Variants in LRP4 observed in about 807,000 individuals in gnomAD.
LRP4 encodes the protein low-density lipoprotein receptor-related protein 4.
In LRP4, 95 loss-of-function variants were observed where a neutral mutation model predicts 220.3. The observed-to-expected ratio is 0.43, with a 90% CI of 0.37 to 0.51. The LOEUF (loss-of-function observed/expected upper bound fraction) is 0.51. Among genes scored for constraint, LRP4 ranks in the 20% least tolerant of loss-of-function variants. The pLI is 0.00. For missense variants in LRP4, 1,925 were observed against 2,567.0 expected, an observed-to-expected ratio of 0.75 and a Z score of 5.40; for synonymous variants, 903 against 954.6, an observed-to-expected ratio of 0.95 and a Z score of 1.00.
At chr11:46,879,877 G>A (rs1191173770) in intron 20 of LRP4, among the ~76,000 whole-genome samples, 1 of 152,182 alleles carries the variant, frequency 6.6e-6, no homozygotes, top group African/African-American at 2.4e-5. Context: ...GGTCCAGGTG[G>A]GCAGATCACC....
chr11:46,868,730 T>C lies in LRP4; in HGVS notation c.4838-17A>G, dbSNP rs372005914. The stretch of plus-strand genomic sequence containing the variant: ...CATTGGTCCCTGGAGGCAAAGTAGA[T>C]GAATGTCTTATCTGGGACAGAATCA... On this transcript the variant is annotated splice_polypyrimidine_tract_variant and intron_variant, in intron 32 of 37. Transcript: ENST00000378623. 14 of 1,550,734 alleles carry C rather than the reference T, an allele frequency of 9.0e-6. No individual in the cohort carries two copies. The highest frequency in any genetic ancestry group is 6.8e-5 in the African/African-American group (5 of 73,810).
Position 46,899,848 on chromosome 11 carries a change from G to GT in LRP4, c.430+14dup. 2 of 1,610,784 alleles carry GT rather than the reference G, an allele frequency of 1.2e-6. No homozygotes were observed. Among genetic ancestry groups the GT allele is most frequent in the East Asian group, 4.5e-5 (2 of 44,886 alleles). On this transcript the variant is annotated intron_variant, in intron 4 of 37. Coordinates refer to ENST00000378623, the MANE Select transcript of LRP4 (RefSeq NM_002334.4). This position sits in a 1 kb window ranked among gnomAD's most constrained non-coding sequence, Gnocchi z 5.9. ...CTGGCCACCTTGCCTGCCTTCCCCC[G>GT]TTGGGGTCACCCACCACACTGCTCA... is the stretch of plus-strand genomic sequence containing the variant.
chr11:46,872,975 T>G (rs950852976), intron 30 of LRP4, 125 bp downstream of exon 30: 25 of 1,325,142 alleles, frequency 1.9e-5, no homozygotes, highest in Non-Finnish European at 2.6e-5. Context: ...CTTATCCTTC[T>G]CAATGATTCC....
In LRP4 at chr11:46,873,158, G is replaced by A. The variant is rs1940914910; in HGVS notation, c.4525C>T (p.Leu1509Phe). The A allele has an allele frequency of 1.2e-6, 2 of 1,614,008 alleles. No individual in the cohort carries two copies. The highest frequency in any genetic ancestry group is 2.2e-5 in the East Asian group (1 of 44,888). The part of the protein sequence containing the change: ...ANLDGSERKV[L>F]INTDLGWPNG... ...GGCCAACCCAGGTCTGTGTTGATGAGGACCTTCCGCTCAGAACCATCCAAG... is the reference window on the plus strand; with the variant it reads ...GGCCAACCCAGGTCTGTGTTGATGAAGACCTTCCGCTCAGAACCATCCAAG... Residue 1509 changes from leucine (L) to phenylalanine (F), a missense_variant, in exon 30 of 38, where the codon CTC becomes TTC. By Grantham distance (22) the Leu-to-Phe change is conservative (BLOSUM62 0). This residue lies in a region of LRP4 where 1,244 missense variants were observed against 1,624.9 expected (regional missense o/e 0.77). Coordinates refer to ENST00000378623, the MANE Select transcript of LRP4 (RefSeq NM_002334.4). The surrounding 1 kb of genome is among the most constrained non-coding windows in gnomAD (Gnocchi z 4.2).
At chr11:46,885,835 G>A (rs1422598514) in intron 18 of LRP4, among the ~76,000 whole-genome samples, 1 of 151,528 alleles carries the variant, frequency 6.6e-6, no homozygotes, top group Non-Finnish European at 1.5e-5. Flanking sequence ...CAAGGCATAG[G>A]TTCATGATCT....
chr11:46,859,222 T>A lies in LRP4; in HGVS notation c.5479A>T (p.Lys1827Ter). 1 of 1,614,064 alleles carries A rather than the reference T, an allele frequency of 6.2e-7. No homozygotes were observed. Among genetic ancestry groups the A allele is most frequent in the Middle Eastern group, 1.6e-4 (1 of 6,062 alleles). ...SGDDAEWDDL[K>*]QLRSSRGGLL... ...CCCCCCCGTGAGCTTCGCAGTTGCT[T>A]GAGGTCATCCCACTCAGCATCATCC... Residue 1827 changes from lysine (K) to a stop codon, truncating the protein, a stop_gained, in exon 38 of 38, where the codon AAG (lysine) becomes TAG (stop). Coordinates refer to ENST00000378623, the MANE Select transcript of LRP4 (RefSeq NM_002334.4). LOFTEE classifies it high-confidence loss of function.
intron 15 of LRP4, 118 bp downstream of exon 15, chr11:46,889,826 T>C (rs2134837608): frequency 8.4e-7 from 1 of 1,190,626 alleles, no homozygotes; most frequent in Non-Finnish European, 1.2e-6. Context: ...GTCAGTGCCC[T>C]GCTGGATTTC....
At chr11:46,887,741 G>A (rs1941329187) in intron 16 of LRP4, among the ~76,000 whole-genome samples, 1 of 152,006 alleles carries the variant, frequency 6.6e-6, no homozygotes, top group African/African-American at 2.4e-5. Flanking sequence ...CAAAGCAGAA[G>A]AATCGCTTGA....
At chr11:46,874,218 C>A (rs1287352118) in intron 28 of LRP4, 1 of 162,256 alleles carries the variant, frequency 6.2e-6, no homozygotes, top group Non-Finnish European at 1.4e-5. Flanking sequence ...GCCTACCTGT[C>A]CCCAGTTTGA....
intron 13 of LRP4, among the ~76,000 whole-genome samples, chr11:46,891,665 G>T (rs774874773): frequency 6.6e-6 from 1 of 151,952 alleles, no homozygotes; most frequent in Non-Finnish European, 1.5e-5. Flanking sequence ...TGTCATCCAG[G>T]AGTGCAGTGC....
In LRP4 at chr11:46,918,458, C is replaced by G. The variant is rs992525391; in HGVS notation, c.-79G>C. 43 of 1,128,316 alleles carry G rather than the reference C, an allele frequency of 3.8e-5. No individual in the cohort carries two copies. Among genetic ancestry groups the G allele is most frequent in the Non-Finnish European group, 4.7e-5 (42 of 893,948 alleles). 69.9% of individuals were successfully genotyped at this position (1,128,316 alleles called of 1,614,324 possible). A position where few individuals can be genotyped will look rare whatever the true frequency, so the allele number is the denominator to read the frequency against. ...GGCGGAGAAGCCCGCGGAGGGTCCC[C>G]GAGGGGGAAGCGTCCCGGGTGCACG... On this transcript the variant is annotated 5_prime_UTR_variant, in exon 1 of 38. Coordinates refer to ENST00000378623, the MANE Select transcript of LRP4 (RefSeq NM_002334.4). This position sits in a 1 kb window ranked among gnomAD's most constrained non-coding sequence, Gnocchi z 6.0.
chr11:46,869,021 C>G lies in LRP4; in HGVS notation c.4804G>C (p.Asp1602His). 6.2e-7 allele frequency: 1 copy of G among 1,614,206 alleles called. No individual in the cohort carries two copies. ...CGCTGAGGGGAAACCACGATGATAT[C>G]CATGAGTCCTTCCACATTTGCCAGC... The part of the protein sequence containing the change: ...TVLANVEGLM[D>H]IIVVSPQRQT... The change falls in exon 32 of 38, where the codon GAT becomes CAT. Residue 1602 changes from aspartate (D) to histidine (H), a missense_variant. Physicochemically the swap from Asp to His is moderately conservative, Grantham distance 81 (BLOSUM62 -1). Coordinates refer to ENST00000378623, the MANE Select transcript of LRP4 (RefSeq NM_002334.4).
At chr11:46,884,198 A>G (rs1468751516) in intron 18 of LRP4, among the ~76,000 whole-genome samples, 1 of 152,244 alleles carries the variant, frequency 6.6e-6, no homozygotes, top group African/African-American at 2.4e-5. Flanking sequence ...CTTCCCAAAC[A>G]TAGGCAACCA....
intron 33 of LRP4, 136 bp downstream of exon 33, chr11:46,868,464 C>T: frequency 1.3e-6 from 1 of 745,736 alleles, no homozygotes; most frequent in Non-Finnish European, 2.4e-6. Context: ...CAGACTGCTA[C>T]CAATCACTCC....
In LRP4 at chr11:46,896,205, C is replaced by CT; in HGVS notation, c.1048+4dup. The CT allele has an allele frequency of 3.1e-6, 5 of 1,613,780 alleles. No individual in the cohort carries two copies. The highest frequency in any genetic ancestry group is 4.2e-6 in the Non-Finnish European group (5 of 1,180,000). On this transcript the variant is annotated splice_donor_region_variant and intron_variant, in intron 9 of 37. Transcript: ENST00000378623. The stretch of plus-strand genomic sequence containing the variant: ...GGGCCAGGTCCGCCCACTGGGGACA[C>CT]TCACGGCAATTCTGCTGTGGGCTTT...
intron 1 of LRP4, among the ~76,000 whole-genome samples, chr11:46,916,475 C>A (rs1941947817): frequency 6.6e-6 from 1 of 152,178 alleles, no homozygotes; most frequent in African/African-American, 2.4e-5. Flanking sequence ...AAAAGCGTTA[C>A]CGCGAATCCT....
At chr11:46,862,816 A>C in intron 36 of LRP4, 69 bp from the exon 37 acceptor site, 1 of 1,443,276 alleles carries the variant, frequency 6.9e-7, no homozygotes. Flanking sequence ...AAAGCTGTAA[A>C]CTGAGTCTGG....
At chr11:46,860,847 G>C (rs969352759) in intron 37 of LRP4, 2 of 380,794 alleles carry the variant, frequency 5.3e-6, no homozygotes, top group Non-Finnish European at 3.6e-6. Context: ...AGACACGCTG[G>C]GTAAGTTAGG....
Position 46,899,294 on chromosome 11 carries a change from TTG to T in LRP4, c.547+91_547+92del. ...GCTGAGGCACCCATGCTCCTTGCCC[TTG>T]GTACATGCACTCCTCAGCCTCGCCC... On this transcript the variant is annotated intron_variant, in intron 5 of 37. Transcript: ENST00000378623. The surrounding 1 kb of genome is among the most constrained non-coding windows in gnomAD (Gnocchi z 5.9). The T allele has an allele frequency of 9.2e-7, 1 of 1,089,568 alleles. No homozygotes were observed. The highest frequency in any genetic ancestry group is 1.4e-6 in the Non-Finnish European group (1 of 706,510). The allele number at this position is 1,089,568 out of a possible 1,614,324, so 67.5% of individuals were successfully genotyped here.
Sources: gnomAD v4.1 joint callset for allele counts (sites outside exome capture counted in the v4.1 genomes callset) on GRCh38, gnomAD v4.1.1 for gene constraint, gnomAD v4.1.1 regional missense constraint, Gnocchi (gnomAD v3.1) non-coding constraint, MANE v1.5 for transcripts, NCBI Gene and HGNC (gene_info 2026-07-23, HGNC 2026-07-21) for gene names.